Variants in LMF1 observed in about 807,000 individuals in gnomAD.
LMF1 encodes the protein transmembrane protein 112.
In LMF1, 68 loss-of-function variants were observed where a neutral mutation model predicts 60.6. That is an observed-to-expected ratio of 1.12 (90% confidence interval 0.92 to 1.37). The LOEUF (loss-of-function observed/expected upper bound fraction) is 1.37, where lower values mean the gene tolerates loss of function less well. Ranked by LOEUF, LMF1 falls within the 40% of genes most tolerant of loss-of-function variation. The pLI, the probability that LMF1 is intolerant of heterozygous loss-of-function variation, is 0.00. For synonymous variants in LMF1, 418 were observed against 324.7 expected (o/e 1.29, Z -3.09); for missense variants, 948 against 767.2 (o/e 1.24, Z -2.78).
intron 10 of LMF1, among the ~76,000 whole-genome samples, chr16:865,379 C>G (rs1167192130): frequency 6.6e-6 from 1 of 152,156 alleles, no homozygotes; most frequent in African/African-American, 2.4e-5. Context: ...GAGATTGAGT[C>G]TCGCTCTGTT....
At chr16:859,118 G>A (rs1340065372) in intron 10 of LMF1, among the ~76,000 whole-genome samples, 2 of 136,514 alleles carry the variant, frequency 1.5e-5, no homozygotes, top group East Asian at 2.1e-4. Context: ...TGATGTCTCG[G>A]GACGGGTGTG....
At chr16:887,474 G>A (rs2070343378) in intron 5 of LMF1, among the ~76,000 whole-genome samples, 1 of 152,210 alleles carries the variant, frequency 6.6e-6, no homozygotes. Flanking sequence ...CCGTGGGGGA[G>A]CTCGGCGGGC....
chr16:865,340 A>G (rs1230857100), intron 10 of LMF1, among the ~76,000 whole-genome samples: 1 of 152,140 alleles, frequency 6.6e-6, no homozygotes, highest in African/African-American at 2.4e-5. Flanking sequence ...CGTCTATTGT[A>G]TTTACCCATG....
At chr16:938,897 C>T (rs746129908) in intron 2 of LMF1, among the ~76,000 whole-genome samples, 3 of 152,198 alleles carry the variant, frequency 2.0e-5, no homozygotes, top group Non-Finnish European at 2.9e-5. Flanking sequence ...TTCGACAAAG[C>T]ACCTAAGGCA....
chr16:871,216 G>A lies in LMF1; in HGVS notation c.1023C>T (p.Asp341=), dbSNP rs1373712765. 1 of 1,611,512 alleles carries A rather than the reference G, an allele frequency of 6.2e-7. No individual in the cohort carries two copies. The highest frequency in any genetic ancestry group is 8.5e-7 in the Non-Finnish European group (1 of 1,179,514). Residue 341 remains aspartate, a synonymous_variant, in exon 7 of 11, where the codon GAC becomes GAT. Coordinates refer to ENST00000262301, the MANE Select transcript of LMF1 (RefSeq NM_022773.4). ...TGTCCCTCTGCATCTGCAGAACTCG[G>A]TCCTTCAGGCTGCCTGGCCCAGAGG... ...LFPSGPGSLK[D]RVLQMQRDIR... is the part of the protein sequence containing the mutation.
chr16:857,283 AGCT>A (rs2069215713), intron 10 of LMF1, among the ~76,000 whole-genome samples: 1 of 152,268 alleles, frequency 6.6e-6, no homozygotes, highest in Non-Finnish European at 1.5e-5. Flanking sequence ...CCATGGAAGC[AGCT>A]GCTGAGTCCA....
chr16:928,624 C>T (rs911758083), intron 3 of LMF1, among the ~76,000 whole-genome samples: 1 of 152,126 alleles, frequency 6.6e-6, no homozygotes, highest in Non-Finnish European at 1.5e-5. Flanking sequence ...CAAAGGCCTC[C>T]AGCCCCTCCC....
chr16:931,767 G>A (rs1452329946), intron 3 of LMF1: 3 of 1,287,096 alleles, frequency 2.3e-6, no homozygotes, highest in African/African-American at 1.5e-5. Context: ...ATTTCTGCGC[G>A]ACAGTCCAAA....
In LMF1 at chr16:861,906, C is replaced by T. The variant is rs79344824; in HGVS notation, c.1529+7038G>A. Among the ~76,000 whole-genome samples the T allele has an allele frequency of 7.1e-3, 1,084 of 152,302 alleles. 6 individuals are homozygous for T. The highest frequency in any genetic ancestry group is 0.025 in the African/African-American group (1,029 of 41,558). ...TCCTTGCCCTCGAGGAGAATGCTGG[C>T]TGCAGGGCTTGTACAGATGCTCTTT... On this transcript the variant is annotated intron_variant, in intron 10 of 10. Coordinates refer to ENST00000262301, the MANE Select transcript of LMF1 (RefSeq NM_022773.4).
At chr16:854,915 G>A (rs932856230) in intron 10 of LMF1, 14 of 607,832 alleles carry the variant, frequency 2.3e-5, no homozygotes, top group Middle Eastern at 4.4e-4. Flanking sequence ...AGTGAACAGC[G>A]CAGCAAGGGG....
chr16:975,959 C>G (rs2073129779), upstream of LMF1: 1 of 453,596 alleles, frequency 2.2e-6, no homozygotes, highest in African/African-American at 2.0e-5. Flanking sequence ...TGGGAGGTTT[C>G]AAATGTGGAC....
intron 2 of LMF1, among the ~76,000 whole-genome samples, chr16:937,483 C>A (rs2071979337): frequency 6.6e-6 from 1 of 152,066 alleles, no homozygotes; most frequent in African/African-American, 2.4e-5. Flanking sequence ...CCGCTGGGGT[C>A]TCTGTTGACT....
chr16:862,178 T>A (rs1258775129), intron 10 of LMF1, among the ~76,000 whole-genome samples: 1 of 112,962 alleles, frequency 8.9e-6, no homozygotes, highest in South Asian at 2.4e-4. Context: ...TATTTAGTAA[T>A]TTTTTTTTTT....
chr16:907,983 T>C (rs1029812985), intron 4 of LMF1, among the ~76,000 whole-genome samples: 8 of 152,242 alleles, frequency 5.3e-5, no homozygotes, highest in Admixed American at 1.3e-4. Flanking sequence ...ACCAGGAGCT[T>C]TGCATACAAC....
chr16:922,515 A>G (rs768316635), intron 3 of LMF1, among the ~76,000 whole-genome samples: 1 of 152,206 alleles, frequency 6.6e-6, no homozygotes, highest in Admixed American at 6.5e-5. Context: ...ATGGACGTGA[A>G]GAAAGTCGCC....
Position 871,207 on chromosome 16 carries a change from C to T in LMF1, c.1032G>A (p.Leu344=). The T allele has an allele frequency of 1.2e-6, 2 of 1,610,982 alleles. No individual in the cohort carries two copies. Among genetic ancestry groups the T allele is most frequent in the South Asian group, 1.1e-5 (1 of 90,630 alleles). Residue 344 remains leucine, a synonymous_variant, in exon 7 of 11, where the codon CTG becomes CTA. Transcript: ENST00000262301. ...CCCCTCGGATGTCCCTCTGCATCTG[C>T]AGAACTCGGTCCTTCAGGCTGCCTG... ...SGPGSLKDRV[L]QMQRDIRGAR... is the part of the protein sequence containing the mutation.
At chr16:981,269 G>A (rs1190483231) in exon 1 of LMF1, 6 of 450,592 alleles carry the variant, frequency 1.3e-5, no homozygotes, top group Non-Finnish European at 2.7e-5. Context: ...CGAGACCTCA[G>A]GCGCGAGACG....
intron 2 of LMF1, among the ~76,000 whole-genome samples, chr16:951,856 C>A (rs992642556): frequency 4.6e-5 from 7 of 152,240 alleles, no homozygotes; most frequent in Non-Finnish European, 7.3e-5. Context: ...GCACAGCCCC[C>A]ACCAGGCCAC....
At chr16:974,618 C>T (rs2073101281), upstream of LMF1, among the ~76,000 whole-genome samples, 1 of 152,216 alleles carries the variant, frequency 6.6e-6, no homozygotes, top group South Asian at 2.1e-4. Context: ...CTAGGTGGGA[C>T]CCTGTCCCCG....
Sources: allele counts gnomAD v4.1 joint callset (sites outside exome capture counted in the v4.1 genomes callset), GRCh38; gene constraint gnomAD v4.1.1; transcripts MANE v1.5; gene names NCBI Gene and HGNC (gene_info 2026-07-23, HGNC 2026-07-21).